ICA1L: variants seen among roughly 807,000 people sequenced by gnomAD.
ICA1L encodes islet cell autoantigen 1 like.
ICA1L carries 50 observed loss-of-function variants against 61.3 expected under a neutral mutation model. The observed-to-expected ratio is 0.82, with a 90% CI of 0.65 to 1.03. The LOEUF (loss-of-function observed/expected upper bound fraction) is 1.03, where lower values mean the gene tolerates loss of function less well. Ranked by LOEUF, ICA1L falls within the 50% of genes least tolerant of loss-of-function variation. The pLI, the probability that ICA1L is intolerant of heterozygous loss-of-function variation, is 0.00. For missense variants in ICA1L, 508 were observed against 556.7 expected (o/e 0.91, Z 0.88); for synonymous variants, 161 against 191.3 (o/e 0.84, Z 1.31).
intron 1 of ICA1L, among the ~76,000 whole-genome samples, chr2:202,851,622 C>T (rs1694623004): frequency 6.6e-6 from 1 of 152,184 alleles, no homozygotes; most frequent in Non-Finnish European, 1.5e-5. Context: ...GTTTACCTCC[C>T]ACCAACAGTG....
At chr2:202,866,233 T>C (rs1374604377) in intron 1 of ICA1L, among the ~76,000 whole-genome samples, 2 of 152,174 alleles carry the variant, frequency 1.3e-5, no homozygotes, top group Non-Finnish European at 2.9e-5. Flanking sequence ...GGCTTGGTGA[T>C]GAGTGAGTTC....
chr2:202,791,930 G>A (rs1453690075), intron 10 of ICA1L, among the ~76,000 whole-genome samples: 1 of 152,072 alleles, frequency 6.6e-6, no homozygotes, highest in African/African-American at 2.4e-5. Context: ...CACTTTGGAA[G>A]GCTGAGGCAG....
At position 202,794,932 on chromosome 2, in the gene ICA1L, C is replaced by T. The variant is rs747442259; in HGVS notation, c.985+1958G>A. Among the ~76,000 whole-genome samples, 10 of 151,008 alleles carry T rather than the reference C, an allele frequency of 6.6e-5. 1 individual carries two copies. The East Asian group carries it at 7.8e-4, about 12-fold the overall frequency. ...ATTTAATGTGATTACAATAAAGTATCGAGCTTTTTAATAAAGCCCCACAAT... is the reference window on the plus strand; with the variant it reads ...ATTTAATGTGATTACAATAAAGTATTGAGCTTTTTAATAAAGCCCCACAAT... On this transcript the variant is annotated intron_variant, in intron 10 of 12. Coordinates refer to ENST00000358299, the MANE Select transcript of ICA1L (RefSeq NM_001288622.3).
Position 202,798,413 on chromosome 2 carries a change from A to T in ICA1L, c.911-1449T>A, listed in dbSNP as rs536032476. On this transcript the variant is annotated intron_variant, in intron 9 of 12. Transcript: ENST00000358299. ...GTCACCATACCTGAATAATTTTTTT[A>T]AATTTTTTGTAGAAACAGGGTCTCA... 3.9e-3 allele frequency among the ~76,000 whole-genome samples: 586 copies of T among 152,072 alleles called. 6 individuals carry two copies. Among genetic ancestry groups the T allele is most frequent in the African/African-American group, 0.013 (559 of 41,498 alleles).
intron 9 of ICA1L, among the ~76,000 whole-genome samples, chr2:202,802,169 T>C (rs981948567): frequency 1.3e-5 from 2 of 152,180 alleles, no homozygotes; most frequent in Non-Finnish European, 2.9e-5. Context: ...AGTATAGTTG[T>C]TGGGGAAAGA....
intron 1 of ICA1L, among the ~76,000 whole-genome samples, chr2:202,841,966 T>G (rs1694347400): frequency 6.6e-6 from 1 of 152,022 alleles, no homozygotes; most frequent in Admixed American, 6.6e-5. Flanking sequence ...TTCTCCTGCC[T>G]TAGTCTCCCG....
chr2:202,778,792 AGGAGATG>A lies in ICA1L; in HGVS notation c.*734_*740del, dbSNP rs1354179034. 6.6e-6 allele frequency: 1 copy of A among 152,652 alleles called. No individual in the cohort carries two copies. Among genetic ancestry groups the A allele is most frequent in the Non-Finnish European group, 1.5e-5 (1 of 68,036 alleles). 9.5% of individuals were successfully genotyped at this position (152,652 alleles called of 1,614,324 possible). A position where few individuals can be genotyped will look rare whatever the true frequency, so the allele number is the denominator to read the frequency against. On this transcript the variant is annotated 3_prime_UTR_variant, in exon 13 of 13. Coordinates refer to ENST00000358299, the MANE Select transcript of ICA1L (RefSeq NM_001288622.3). ...AGTATTACTGTGCATTCTGAGTTTT[AGGAGATG>A]GGAAGATAGATTTTTCTGTTTCTGC...
intron 6 of ICA1L, 41 bp from the exon 7 acceptor site, chr2:202,816,050 C>A: frequency 7.6e-7 from 1 of 1,307,574 alleles, no homozygotes; most frequent in South Asian, 1.4e-5. Flanking sequence ...TCTGCTTCCC[C>A]TCCATGATTT....
chr2:202,791,564 T>G (rs1404940846), intron 10 of ICA1L, among the ~76,000 whole-genome samples: 1 of 152,166 alleles, frequency 6.6e-6, no homozygotes, highest in Non-Finnish European at 1.5e-5. Flanking sequence ...AGCACTAGAA[T>G]AGCCAGGCAC....
intron 1 of ICA1L, among the ~76,000 whole-genome samples, chr2:202,865,164 T>C (rs1468649582): frequency 2.2e-5 from 3 of 138,900 alleles, no homozygotes; most frequent in Non-Finnish European, 4.7e-5. Context: ...CTCTGTCTTT[T>C]AAAAAAAAAA....
intron 9 of ICA1L, among the ~76,000 whole-genome samples, chr2:202,797,415 T>C (rs1406153016): frequency 6.6e-6 from 1 of 152,236 alleles, no homozygotes; most frequent in Non-Finnish European, 1.5e-5. Context: ...GACAAAAGTA[T>C]ATAATCTGTC....
At chr2:202,830,183 G>A (rs1419555115) in intron 1 of ICA1L, among the ~76,000 whole-genome samples, 1 of 152,194 alleles carries the variant, frequency 6.6e-6, no homozygotes, top group Non-Finnish European at 1.5e-5. Context: ...GCCGAGGTGA[G>A]TGGATCATGA....
At chr2:202,850,322 G>T (rs181995576) in intron 1 of ICA1L, among the ~76,000 whole-genome samples, 82 of 152,290 alleles carry the variant, frequency 5.4e-4, no homozygotes, top group Non-Finnish European at 1.1e-3. Context: ...TCAGAAGGTG[G>T]ATAGTAACAA....
chr2:202,820,716 T>C (rs77410354), intron 4 of ICA1L, among the ~76,000 whole-genome samples: 16,210 of 152,244 alleles, frequency 0.11, 1,025 homozygotes, highest in Middle Eastern at 0.21. Context: ...TGGAGGGCCC[T>C]GTACTTAGTA....
chr2:202,811,589 G>A (rs1196639055), intron 9 of ICA1L, among the ~76,000 whole-genome samples, 157 bp downstream of exon 9: 4 of 148,806 alleles, frequency 2.7e-5, no homozygotes, highest in Non-Finnish European at 5.9e-5. Context: ...ATGAACCTGG[G>A]AGGCAGAGCT....
At chr2:202,869,881 C>T (rs1184375015) in intron 1 of ICA1L, among the ~76,000 whole-genome samples, 1 of 150,240 alleles carries the variant, frequency 6.7e-6, no homozygotes, top group Non-Finnish European at 1.5e-5. Context: ...TTTTGATTTC[C>T]GAAAAAAACA....
At chr2:202,867,278 G>C (rs903780273) in intron 1 of ICA1L, among the ~76,000 whole-genome samples, 1 of 152,184 alleles carries the variant, frequency 6.6e-6, no homozygotes, top group Non-Finnish European at 1.5e-5. Context: ...TTGCTTAACT[G>C]TGGGGATATG....
At chr2:202,824,430 C>A (rs1195629219) in intron 3 of ICA1L, among the ~76,000 whole-genome samples, 2 of 151,764 alleles carry the variant, frequency 1.3e-5, no homozygotes, top group African/African-American at 4.8e-5. Flanking sequence ...TTAAGGAGGG[C>A]ATACTCTAGT....
In ICA1L at chr2:202,785,921, T is replaced by G. The variant is rs1170696731; in HGVS notation, c.1330A>C (p.Arg444=). Residue 444 remains arginine, a synonymous_variant, in exon 12 of 13, where the codon AGA becomes CGA. Transcript: ENST00000358299. ...AATATATAAATAAATAACTTACATCTTGTTAATTTCTTTGGACTCTGTGAA... is the reference window on the plus strand; with the variant it reads ...AATATATAAATAAATAACTTACATCGTGTTAATTTCTTTGGACTCTGTGAA... ...VPSQSPKKLT[R]SPNNGNQDMS... 1.3e-6 allele frequency: 2 copies of G among 1,523,572 alleles called. No homozygotes were observed. Among genetic ancestry groups the G allele is most frequent in the South Asian group, 2.3e-5 (2 of 85,274 alleles). 94.4% of individuals were successfully genotyped at this position (1,523,572 alleles called of 1,614,324 possible).
Sources: gnomAD v4.1 joint callset for allele counts (sites outside exome capture counted in the v4.1 genomes callset) on GRCh38, gnomAD v4.1.1 for gene constraint, MANE v1.5 for transcripts, NCBI Gene and HGNC (gene_info 2026-07-23, HGNC 2026-07-21) for gene names.